XPA: variants seen among roughly 807,000 people sequenced by gnomAD.
The protein encoded by XPA is XPA, DNA damage recognition and repair factor, also known as DNA repair protein complementing XP-A cells.
In XPA, 27 loss-of-function variants were observed where a neutral mutation model predicts 35.7. That is an observed-to-expected ratio of 0.76 (90% CI 0.56 to 1.04). The LOEUF (loss-of-function observed/expected upper bound fraction) is 1.04, where lower values mean the gene tolerates loss of function less well. Among genes scored for constraint, XPA ranks in the 50% least tolerant of loss-of-function variants. The pLI is 0.00. For missense variants in XPA, 354 were observed against 342.7 expected (o/e 1.03, Z -0.26); for synonymous variants, 133 against 118.4 (o/e 1.12, Z -0.80).
downstream of XPA, among the ~76,000 whole-genome samples, chr9:97,674,256 A>T (rs1256983041): frequency 5.3e-5 from 8 of 152,136 alleles, no homozygotes; most frequent in Non-Finnish European, 8.8e-5. Context: ...TTCAGAATCA[A>T]TTTTTACTAA....
At chr9:97,655,057 C>T in the XPA span, 1 of 868,330 alleles carries the variant, frequency 1.2e-6, no homozygotes, top group South Asian at 2.1e-5. Flanking sequence ...TTTTTTCTTG[C>T]CTCCCAAAAT....
downstream of XPA, chr9:97,673,493 T>C (rs943852844): frequency 1.1e-4 from 16 of 152,242 alleles, no homozygotes; most frequent in African/African-American, 3.1e-4. Flanking sequence ...TCTTCATGTA[T>C]AATGGTTGCT....
chr9:97,686,283 T>C (rs1828713586), intron 4 of XPA, among the ~76,000 whole-genome samples: 1 of 152,188 alleles, frequency 6.6e-6, no homozygotes, highest in Non-Finnish European at 1.5e-5. Flanking sequence ...AAGAGGCTGC[T>C]TGTGACTCAA....
rs1828753615 is a variant in XPA, at chr9:97,687,387, C to T, written c.390-126G>A. The stretch of plus-strand genomic sequence containing the variant: ...ATAAAATACTTTTTCCTGCAACTCT[C>T]ATGGTTAAATTAGCAACATAAGAAT... On this transcript the variant is annotated intron_variant, in intron 3 of 5. Coordinates refer to ENST00000375128, the MANE Select transcript of XPA (RefSeq NM_000380.4). 1.1e-5 allele frequency: 8 copies of T among 723,420 alleles called. No individual in the cohort carries two copies. In the South Asian group the frequency reaches 1.6e-4, roughly 14 times the overall value. The allele number at this position is 723,420 out of a possible 1,614,324, so 44.8% of individuals were successfully genotyped here.
chr9:97,679,931 C>G (rs968706385), intron 5 of XPA, among the ~76,000 whole-genome samples: 2 of 152,148 alleles, frequency 1.3e-5, no homozygotes, highest in African/African-American at 4.8e-5. Context: ...ACTGAGGAAA[C>G]AAGCAGCTAA....
chr9:97,666,353 G>A, the XPA span, among the ~76,000 whole-genome samples: 5 of 152,214 alleles, frequency 3.3e-5, no homozygotes, highest in Admixed American at 6.5e-5. Context: ...ATAATATAAA[G>A]CATGGGAAAT....
the XPA span, among the ~76,000 whole-genome samples, chr9:97,654,666 A>G: frequency 1.3e-5 from 2 of 152,130 alleles, no homozygotes; most frequent in African/African-American, 4.8e-5. Flanking sequence ...TGAAAATATT[A>G]TCTTGATTTC....
At chr9:97,682,006 G>A (rs943383257) in intron 5 of XPA, among the ~76,000 whole-genome samples, 2 of 151,996 alleles carry the variant, frequency 1.3e-5, no homozygotes, top group Non-Finnish European at 2.9e-5. Flanking sequence ...ATCTAACAAG[G>A]CAGAACAATT....
Position 97,687,079 on chromosome 9 carries a change from T to TAC in XPA, c.555+15_555+16dup. ...ATTTACCAGAGTGAAAAATAATAAATACAACTTATTAGAGACCTGTAACTT... is the reference window on the plus strand; with the variant it reads ...ATTTACCAGAGTGAAAAATAATAAATACACAACTTATTAGAGACCTGTAACTT... On this transcript the variant is annotated intron_variant, in intron 4 of 5. Coordinates refer to ENST00000375128, the MANE Select transcript of XPA (RefSeq NM_000380.4). 6.3e-7 allele frequency: 1 copy of TAC among 1,598,070 alleles called. No homozygotes were observed. Among genetic ancestry groups the TAC allele is most frequent in the Non-Finnish European group, 8.5e-7 (1 of 1,174,438 alleles).
the XPA span, among the ~76,000 whole-genome samples, chr9:97,667,820 C>T: frequency 2.6e-5 from 4 of 152,284 alleles, no homozygotes; most frequent in African/African-American, 7.2e-5. Flanking sequence ...CGTGTGGTTG[C>T]GGTCGTAACA....
At chr9:97,682,238 G>T (rs765259721) in intron 5 of XPA, 1 of 514,582 alleles carries the variant, frequency 1.9e-6, no homozygotes, top group Non-Finnish European at 3.9e-6. Context: ...CTTCTTTGTG[G>T]ATCAAAATCA....
chr9:97,669,059 A>C, the XPA span: 1 of 1,396,714 alleles, frequency 7.2e-7, no homozygotes, highest in South Asian at 1.4e-5. Context: ...TTTTCATTGT[A>C]AAAGGAATAC....
At chr9:97,658,964 C>T in the XPA span, among the ~76,000 whole-genome samples, 1 of 152,094 alleles carries the variant, frequency 6.6e-6, no homozygotes. Flanking sequence ...ATCATTTTTT[C>T]TCTTTTGAAT....
In XPA at chr9:97,675,597, AAATT is replaced by A; in HGVS notation, c.674-14_674-11del. 6.2e-7 allele frequency: 1 copy of A among 1,613,928 alleles called. No individual in the cohort carries two copies. Among genetic ancestry groups the A allele is most frequent in the Non-Finnish European group, 8.5e-7 (1 of 1,179,902 alleles). On this transcript the variant is annotated splice_polypyrimidine_tract_variant and intron_variant, in intron 5 of 5. Coordinates refer to ENST00000375128, the MANE Select transcript of XPA (RefSeq NM_000380.4). ...ACTGCTCGCCGCAATTCTGAAAAAA[AAATT>A]TTAAAGTCATCTTTTCAGTGGTGCT...
intron 5 of XPA, among the ~76,000 whole-genome samples, chr9:97,676,327 G>A (rs531512505): frequency 4.6e-5 from 7 of 152,174 alleles, no homozygotes; most frequent in South Asian, 4.1e-4. Flanking sequence ...CTGCTACTTC[G>A]TGTCAAAATC....
chr9:97,666,637 G>T, the XPA span: 1 of 580,962 alleles, frequency 1.7e-6, no homozygotes. Flanking sequence ...GGAGAAAGAT[G>T]ACTAATTCAG....
chr9:97,691,884 TAA>T (rs1491144030), intron 2 of XPA, among the ~76,000 whole-genome samples: 11 of 66,398 alleles, frequency 1.7e-4, no homozygotes, highest in African/African-American at 7.6e-4. Context: ...TCTTTCTAAA[TAA>T]ATATATATAT....
chr9:97,668,959 C>T, the XPA span: 5 of 1,609,630 alleles, frequency 3.1e-6, no homozygotes, highest in Non-Finnish European at 4.2e-6. Context: ...AGAATCTTTT[C>T]CTCGTTATAT....
At chr9:97,661,966 TATTTAGC>T in the XPA span, 1 of 970,404 alleles carries the variant, frequency 1.0e-6, no homozygotes, top group South Asian at 1.4e-5. Flanking sequence ...AGCAACCATC[TATTTAGC>T]ATTTGAGGTA....
Sources: allele counts gnomAD v4.1 joint callset (sites outside exome capture counted in the v4.1 genomes callset), GRCh38; gene constraint gnomAD v4.1.1; transcripts MANE v1.5; gene names NCBI Gene and HGNC (gene_info 2026-07-23, HGNC 2026-07-21).